Variants in DPP6 observed in about 807,000 individuals in gnomAD.
The protein encoded by DPP6 is A-type potassium channel modulatory protein DPP6.
In DPP6, 69 loss-of-function variants were observed where a neutral mutation model predicts 122.6. The observed-to-expected ratio is 0.56, with a 90% CI of 0.46 to 0.69. The LOEUF is 0.69. Ranked by LOEUF, DPP6 falls within the 30% of genes least tolerant of loss-of-function variation. DPP6 has a pLI of 0.00. For missense variants in DPP6, 928 were observed against 1,116.9 expected (o/e 0.83, Z 2.41); for synonymous variants, 418 against 433.1 (o/e 0.97, Z 0.43).
intron 8 of DPP6, among the ~76,000 whole-genome samples, chr7:154,756,822 C>T (rs1043398171): frequency 1.3e-5 from 2 of 152,134 alleles, no homozygotes; most frequent in African/African-American, 2.4e-5. Context: ...AAAATGAAGG[C>T]GCATTAGGCC....
At chr7:154,092,813 T>G (rs1409631960) in intron 1 of DPP6, 1 of 152,078 alleles carries the variant, frequency 6.6e-6, no homozygotes, top group Non-Finnish European at 1.5e-5. Flanking sequence ...CCTCCTAGTT[T>G]GGGCATGCAT....
chr7:153,839,665 A>G, the DPP6 span, among the ~76,000 whole-genome samples: 1 of 152,322 alleles, frequency 6.6e-6, no homozygotes, highest in South Asian at 2.1e-4. Flanking sequence ...GTAGACATCA[A>G]TAGACTCTTT....
intron 3 of DPP6, among the ~76,000 whole-genome samples, chr7:154,506,474 A>G (rs1825674866): frequency 6.6e-6 from 1 of 152,184 alleles, no homozygotes; most frequent in Non-Finnish European, 1.5e-5. Flanking sequence ...TATCTTAAAA[A>G]GAATCACATT....
intron 4 of DPP6, among the ~76,000 whole-genome samples, chr7:154,554,269 C>A (rs1488649222): frequency 6.6e-6 from 1 of 152,076 alleles, no homozygotes; most frequent in African/African-American, 2.4e-5. Context: ...GATGTGTGCA[C>A]CCACAGAGTT....
At chr7:153,799,123 G>T in the DPP6 span, among the ~76,000 whole-genome samples, 12 of 152,268 alleles carry the variant, frequency 7.9e-5, no homozygotes, top group South Asian at 1.7e-3. Flanking sequence ...CCTGCTTTAG[G>T]GCATGAAACA....
chr7:153,811,224 C>T, the DPP6 span, among the ~76,000 whole-genome samples: 19 of 152,188 alleles, frequency 1.2e-4, no homozygotes, highest in African/African-American at 4.1e-4. Flanking sequence ...AAAGGATGCT[C>T]CACAATTCCC....
At chr7:154,476,326 G>A (rs1822732726) in intron 3 of DPP6, among the ~76,000 whole-genome samples, 1 of 152,212 alleles carries the variant, frequency 6.6e-6, no homozygotes, top group Admixed American at 6.5e-5. Context: ...CAGCACAGAG[G>A]TCTTTTTGTT....
chr7:154,466,289 G>A (rs1302587853), intron 2 of DPP6, among the ~76,000 whole-genome samples: 7 of 152,126 alleles, frequency 4.6e-5, no homozygotes, highest in Admixed American at 1.3e-4. Flanking sequence ...AACCACCATG[G>A]CACATGTATA....
intron 1 of DPP6, among the ~76,000 whole-genome samples, chr7:153,981,683 G>T (rs529819811): frequency 6.6e-6 from 1 of 152,144 alleles, no homozygotes; most frequent in Non-Finnish European, 1.5e-5. Flanking sequence ...GCTGTTACTA[G>T]TTTTCCCTTT....
chr7:154,572,389 T>C (rs1028709117), intron 5 of DPP6, among the ~76,000 whole-genome samples: 3 of 152,152 alleles, frequency 2.0e-5, no homozygotes, highest in African/African-American at 4.8e-5. Context: ...ACTTGAGGCT[T>C]TATAAATGTA....
chr7:154,790,262 G>A (rs1456669841), intron 10 of DPP6, among the ~76,000 whole-genome samples: 1 of 152,184 alleles, frequency 6.6e-6, no homozygotes, highest in Non-Finnish European at 1.5e-5. Flanking sequence ...CATGGACTTA[G>A]GAAATGTTGA....
chr7:154,384,921 A>G (rs1008447694), intron 1 of DPP6, among the ~76,000 whole-genome samples: 2 of 151,896 alleles, frequency 1.3e-5, no homozygotes, highest in African/African-American at 2.4e-5. Context: ...TGTCTATACT[A>G]TATTCTTCAG....
At chr7:154,085,377 C>T (rs1804332437) in intron 1 of DPP6, among the ~76,000 whole-genome samples, 1 of 152,142 alleles carries the variant, frequency 6.6e-6, no homozygotes, top group Non-Finnish European at 1.5e-5. Context: ...TGGCCTTTAC[C>T]GTTCACTGTC....
At chr7:154,421,308 T>G (rs1326590408) in intron 1 of DPP6, among the ~76,000 whole-genome samples, 1 of 134,370 alleles carries the variant, frequency 7.4e-6, no homozygotes, top group East Asian at 2.3e-4. Context: ...AATTTGCATG[T>G]CAGTTTCTTT....
intron 5 of DPP6, among the ~76,000 whole-genome samples, chr7:154,617,832 T>C (rs1160283489): frequency 1.3e-5 from 2 of 151,940 alleles, no homozygotes; most frequent in Non-Finnish European, 2.9e-5. Flanking sequence ...AGACAGAAGG[T>C]TTAGTAGCAC....
At chr7:154,574,236 TG>T (rs1226430829) in intron 5 of DPP6, among the ~76,000 whole-genome samples, 1 of 138,206 alleles carries the variant, frequency 7.2e-6, no homozygotes, top group East Asian at 2.2e-4. Context: ...GTGTGTGTGG[TG>T]TGGTGTGTAT....
intron 3 of DPP6, among the ~76,000 whole-genome samples, chr7:154,497,507 G>A (rs1200672347): frequency 6.6e-6 from 1 of 151,944 alleles, no homozygotes; most frequent in East Asian, 1.9e-4. Context: ...TACTTGGGAG[G>A]TTGAGGCAGG....
intron 1 of DPP6, among the ~76,000 whole-genome samples, chr7:154,401,960 A>T (rs987343834): frequency 1.6e-4 from 24 of 152,246 alleles, no homozygotes; most frequent in African/African-American, 5.8e-4. Flanking sequence ...CACTTCTCAG[A>T]AGAAGACATT....
the DPP6 span, among the ~76,000 whole-genome samples, chr7:153,869,059 G>A: frequency 6.6e-6 from 1 of 152,292 alleles, no homozygotes; most frequent in African/African-American, 2.4e-5. Flanking sequence ...GCTGAGGAGT[G>A]CTTTACTTCC....
Sources: gnomAD v4.1 joint callset for allele counts (sites outside exome capture counted in the v4.1 genomes callset) on GRCh38, gnomAD v4.1.1 for gene constraint, MANE v1.5 for transcripts, NCBI Gene and HGNC (gene_info 2026-07-23, HGNC 2026-07-21) for gene names.